Variants in DENND1B observed in about 807,000 individuals in gnomAD.
The protein encoded by DENND1B is DENN domain containing 1B.
Under a neutral mutation model 90.1 loss-of-function variants are expected in DENND1B, and 59 were observed. The observed-to-expected ratio is 0.65, with a 90% CI of 0.53 to 0.81. DENND1B has a LOEUF of 0.81. Among genes scored for constraint, DENND1B ranks in the 40% least tolerant of loss-of-function variants. DENND1B has a pLI of 0.00. For missense variants in DENND1B, 862 were observed against 912.6 expected, an observed-to-expected ratio of 0.94 and a Z score of 0.71; for synonymous variants, 337 against 324.6, an observed-to-expected ratio of 1.04 and a Z score of -0.41.
intron 10 of DENND1B, among the ~76,000 whole-genome samples, chr1:197,637,422 C>T (rs1187541285): frequency 2.0e-5 from 3 of 152,076 alleles, no homozygotes; most frequent in Non-Finnish European, 4.4e-5. Context: ...ACTTTTAGAA[C>T]ACAAATGGAC....
At chr1:197,651,433 A>G (rs1384284715) in intron 7 of DENND1B, among the ~76,000 whole-genome samples, 2 of 152,038 alleles carry the variant, frequency 1.3e-5, no homozygotes, top group African/African-American at 4.8e-5. Flanking sequence ...CAAAAATTCA[A>G]TCATATTTCC....
At chr1:197,534,685 T>C (rs1408624928) in intron 20 of DENND1B, among the ~76,000 whole-genome samples, 5 of 152,234 alleles carry the variant, frequency 3.3e-5, no homozygotes, top group African/African-American at 1.2e-4. Context: ...TTTTTAAGGT[T>C]CTTTGTAAGA....
At chr1:197,553,234 T>C (rs1336763924) in intron 15 of DENND1B, 122 bp from the exon 16 acceptor site, 1 of 738,952 alleles carries the variant, frequency 1.4e-6, no homozygotes, top group African/African-American at 1.8e-5. Context: ...CAGACTCTTG[T>C]ATAAATTACA....
chr1:197,718,702 A>G (rs1036187631), intron 2 of DENND1B, among the ~76,000 whole-genome samples: 3 of 152,152 alleles, frequency 2.0e-5, no homozygotes, highest in South Asian at 2.1e-4. Flanking sequence ...TTAGACAAGC[A>G]AAGAATAATC....
At chr1:197,708,043 G>A (rs1338701025) in intron 3 of DENND1B, among the ~76,000 whole-genome samples, 3 of 149,088 alleles carry the variant, frequency 2.0e-5, no homozygotes, top group Admixed American at 1.3e-4. Flanking sequence ...GGCGCACCAC[G>A]AGACTATATC....
chr1:197,759,141 T>G (rs2102449383), intron 2 of DENND1B, among the ~76,000 whole-genome samples: 1 of 151,414 alleles, frequency 6.6e-6, no homozygotes, highest in East Asian at 2.0e-4. Context: ...CAGCTAACTT[T>G]TGTATTTTTT....
At chr1:197,576,011 C>T (rs1051012309) in intron 15 of DENND1B, among the ~76,000 whole-genome samples, 1 of 151,982 alleles carries the variant, frequency 6.6e-6, no homozygotes, top group African/African-American at 2.4e-5. Context: ...AGCAAACCAA[C>T]ATGGCACATG....
chr1:197,700,555 A>G (rs762025528), intron 3 of DENND1B, among the ~76,000 whole-genome samples: 7 of 152,210 alleles, frequency 4.6e-5, no homozygotes, highest in Non-Finnish European at 1.0e-4. Flanking sequence ...AGACATGGGC[A>G]AAGACTTCAT....
intron 8 of DENND1B, 129 bp downstream of exon 8, chr1:197,646,926 T>C (rs1680774065): frequency 3.2e-6 from 2 of 624,940 alleles, no homozygotes; most frequent in Admixed American, 8.2e-5. Context: ...TTCCAAATGA[T>C]TAATTTTCTT....
At chr1:197,613,186 A>C (rs1572066096) in intron 11 of DENND1B, among the ~76,000 whole-genome samples, 1 of 150,728 alleles carries the variant, frequency 6.6e-6, no homozygotes, top group East Asian at 2.0e-4. Flanking sequence ...GCTACTGAGA[A>C]CCAGCAATAG....
At chr1:197,593,213 T>C (rs1159149731) in intron 14 of DENND1B, among the ~76,000 whole-genome samples, 1 of 151,750 alleles carries the variant, frequency 6.6e-6, no homozygotes, top group African/African-American at 2.4e-5. Context: ...AAGAAATAAA[T>C]CATTTTCCCT....
At chr1:197,626,087 C>A (rs554397558) in intron 10 of DENND1B, among the ~76,000 whole-genome samples, 4 of 152,024 alleles carry the variant, frequency 2.6e-5, no homozygotes, top group East Asian at 3.9e-4. Flanking sequence ...ACTTTAACAC[C>A]CCACTGTCAA....
intron 3 of DENND1B, among the ~76,000 whole-genome samples, chr1:197,686,871 A>G (rs765423430): frequency 1.1e-3 from 162 of 152,148 alleles, no homozygotes; most frequent in Admixed American, 3.3e-3. Flanking sequence ...TACACAACTG[A>G]TAAAAGCTTG....
intron 3 of DENND1B, among the ~76,000 whole-genome samples, chr1:197,696,969 T>G (rs1181092420): frequency 2.0e-5 from 3 of 151,120 alleles, no homozygotes; most frequent in African/African-American, 7.3e-5. Context: ...ACAGGTTGCC[T>G]TGGAGGCTCA....
At chr1:197,742,433 T>G (rs1663301590) in intron 2 of DENND1B, among the ~76,000 whole-genome samples, 1 of 152,174 alleles carries the variant, frequency 6.6e-6, no homozygotes, top group Non-Finnish European at 1.5e-5. Context: ...AATCTTGCAG[T>G]CTAGCTGGCA....
At chr1:197,554,314 G>C (rs1322653954) in intron 15 of DENND1B, among the ~76,000 whole-genome samples, 1 of 151,980 alleles carries the variant, frequency 6.6e-6, no homozygotes, top group East Asian at 1.9e-4. Flanking sequence ...TTTTTGCAAG[G>C]AGGACTTGAA....
chr1:197,687,039 T>C (rs1338129572), intron 3 of DENND1B, among the ~76,000 whole-genome samples: 2 of 152,184 alleles, frequency 1.3e-5, no homozygotes, highest in Non-Finnish European at 2.9e-5. Flanking sequence ...ATACAAATAA[T>C]GTTCAATACA....
chr1:197,729,520 T>A (rs147233937), intron 2 of DENND1B, among the ~76,000 whole-genome samples: 159 of 152,250 alleles, frequency 1.0e-3, no homozygotes, highest in African/African-American at 3.8e-3. Context: ...GCCCTTATTT[T>A]CACTACATAT....
intron 8 of DENND1B, 45 bp downstream of exon 8, chr1:197,647,010 C>A: frequency 7.3e-7 from 1 of 1,377,816 alleles, no homozygotes; most frequent in East Asian, 3.0e-5. Context: ...GATTATTTTT[C>A]CTATTTAATA....
Sources: gnomAD v4.1 joint callset for allele counts (sites outside exome capture counted in the v4.1 genomes callset) on GRCh38, gnomAD v4.1.1 for gene constraint, MANE v1.5 for transcripts, NCBI Gene and HGNC (gene_info 2026-07-23, HGNC 2026-07-21) for gene names.